USP32: variants seen among roughly 807,000 people sequenced by gnomAD.
USP32 encodes the protein ubiquitin specific peptidase 32, also known as ubiquitin carboxyl-terminal hydrolase 32.
A neutral mutation model predicts 204.8 loss-of-function variants in USP32; 59 were observed. The observed-to-expected ratio is 0.29, with a 90% CI of 0.23 to 0.36. The LOEUF (loss-of-function observed/expected upper bound fraction) is 0.36, where lower values mean the gene tolerates loss of function less well. Ranked by LOEUF, USP32 falls within the 10% of genes least tolerant of loss-of-function variation. The pLI is 1.00. For missense variants in USP32, 1,160 were observed against 1,946.4 expected, an observed-to-expected ratio of 0.60 and a Z score of 7.60; for synonymous variants, 517 against 678.4, an observed-to-expected ratio of 0.76 and a Z score of 3.70.
chr17:60,377,064 G>A (rs777801837), intron 1 of USP32, among the ~76,000 whole-genome samples: 3 of 151,950 alleles, frequency 2.0e-5, no homozygotes, highest in Admixed American at 6.6e-5. Context: ...AACCTTTTTC[G>A]GCCAATATTT....
intron 27 of USP32, 103 bp downstream of exon 27, chr17:60,198,157 A>G (rs2145438393): frequency 3.4e-6 from 5 of 1,451,872 alleles, no homozygotes; most frequent in Non-Finnish European, 4.6e-6. Flanking sequence ...TCCAAGAGTG[A>G]TTAACTTGAC....
At chr17:60,285,137 A>T (rs2145838081) in intron 5 of USP32, among the ~76,000 whole-genome samples, 2 of 152,354 alleles carry the variant, frequency 1.3e-5, no homozygotes, top group South Asian at 4.1e-4. Context: ...TTTCGATATT[A>T]ACAGAAAACT....
chr17:60,244,138 C>A (rs1014446017), intron 11 of USP32, among the ~76,000 whole-genome samples: 6 of 150,466 alleles, frequency 4.0e-5, no homozygotes, highest in African/African-American at 1.5e-4. Flanking sequence ...CGGGTTCACG[C>A]CATTCTCCTG....
intron 2 of USP32, chr17:60,315,831 C>T (rs1183560734): frequency 6.5e-6 from 1 of 153,384 alleles, no homozygotes; most frequent in Non-Finnish European, 1.5e-5. Flanking sequence ...GTCTCTATAG[C>T]ATGGCCTGTA....
intron 2 of USP32, among the ~76,000 whole-genome samples, chr17:60,332,145 A>C (rs970807692): frequency 6.6e-6 from 1 of 151,832 alleles, no homozygotes; most frequent in Non-Finnish European, 1.5e-5. Context: ...GTAGTCCCAG[A>C]TACTCGGGAG....
intron 12 of USP32, among the ~76,000 whole-genome samples, chr17:60,234,340 C>T (rs2085656758): frequency 2.0e-5 from 3 of 151,252 alleles, no homozygotes; most frequent in South Asian, 2.1e-4. Flanking sequence ...GTCTCGATCT[C>T]CCGACCTCGT....
chr17:60,261,821 T>G (rs2086461098), intron 9 of USP32, among the ~76,000 whole-genome samples: 1 of 152,208 alleles, frequency 6.6e-6, no homozygotes, highest in South Asian at 2.1e-4. Flanking sequence ...CTGATTCTTT[T>G]ATATAACCAC....
At chr17:60,208,391 T>A (rs988577630) in intron 23 of USP32, among the ~76,000 whole-genome samples, 181 bp from the exon 24 acceptor site, 2 of 151,956 alleles carry the variant, frequency 1.3e-5, no homozygotes, top group African/African-American at 4.8e-5. Context: ...GAAATCAGTA[T>A]TTTTTTGGTG....
At chr17:60,348,819 G>A (rs1391075973) in intron 1 of USP32, among the ~76,000 whole-genome samples, 4 of 151,966 alleles carry the variant, frequency 2.6e-5, no homozygotes, top group Non-Finnish European at 4.4e-5. Context: ...TAATCACTTT[G>A]ATAAATGCTT....
intron 26 of USP32, among the ~76,000 whole-genome samples, chr17:60,201,626 AT>A (rs1326173148): frequency 1.3e-5 from 2 of 150,204 alleles, no homozygotes; most frequent in Non-Finnish European, 3.0e-5. Context: ...TATTGTTTTA[AT>A]TTACATTTCA....
At chr17:60,188,196 G>C (rs2084296472) in intron 29 of USP32, among the ~76,000 whole-genome samples, 1 of 152,088 alleles carries the variant, frequency 6.6e-6, no homozygotes, top group African/African-American at 2.4e-5. Context: ...GCCCAGGCTG[G>C]CATCCAGTTT....
intron 1 of USP32, among the ~76,000 whole-genome samples, chr17:60,350,026 T>A (rs80219541): frequency 6.6e-6 from 1 of 151,590 alleles, no homozygotes; most frequent in Non-Finnish European, 1.5e-5. Flanking sequence ...TTTTTTTTTT[T>A]ATTTTGAGAC....
intron 1 of USP32, among the ~76,000 whole-genome samples, chr17:60,362,423 T>C (rs1453300157): frequency 6.6e-6 from 1 of 152,180 alleles, no homozygotes; most frequent in African/African-American, 2.4e-5. Context: ...TTCTGAAACA[T>C]GTAAAATATG....
intron 8 of USP32, 111 bp from the exon 9 acceptor site, chr17:60,265,585 AT>A: frequency 1.4e-6 from 1 of 728,642 alleles, no homozygotes; most frequent in South Asian, 1.8e-5. Context: ...TCTTGTAGAG[AT>A]GGGGTCTCCT....
chr17:60,203,434 GT>G (rs1426354291), intron 26 of USP32, among the ~76,000 whole-genome samples: 3 of 144,018 alleles, frequency 2.1e-5, no homozygotes, highest in Non-Finnish European at 4.5e-5. Context: ...ATATATTTCT[GT>G]TGTTTAAAGC....
chr17:60,365,649 ACTT>A (rs2089297124), intron 1 of USP32, among the ~76,000 whole-genome samples: 1 of 152,008 alleles, frequency 6.6e-6, no homozygotes, highest in East Asian at 1.9e-4. Context: ...AACTTTTATT[ACTT>A]TTTTCATTAG....
intron 1 of USP32, among the ~76,000 whole-genome samples, chr17:60,405,863 G>GT (rs2089971346): frequency 6.6e-6 from 1 of 152,046 alleles, no homozygotes; most frequent in Admixed American, 6.6e-5. Context: ...TCTTTCAAAG[G>GT]TTATTATTTG....
At chr17:60,408,158 C>T (rs565826250) in intron 1 of USP32, among the ~76,000 whole-genome samples, 2 of 151,908 alleles carry the variant, frequency 1.3e-5, no homozygotes, top group South Asian at 4.2e-4. Flanking sequence ...TAAAAAATTA[C>T]TATTTATACC....
At chr17:60,413,861 CAAAAAAAAAAAAAAGAAAAAA>C (rs1162643902) in intron 1 of USP32, among the ~76,000 whole-genome samples, 1 of 31,698 alleles carries the variant, frequency 3.2e-5, no homozygotes, top group South Asian at 1.1e-3. Context: ...GATTCTGTCT[CAAAAAAAAAAAAAAGAAAAAA>C]AAAAAAAAAA....
Sources: allele counts gnomAD v4.1 joint callset (sites outside exome capture counted in the v4.1 genomes callset), GRCh38; gene constraint gnomAD v4.1.1; transcripts MANE v1.5; gene names NCBI Gene and HGNC (gene_info 2026-07-23, HGNC 2026-07-21).